BLM: variants seen among roughly 807,000 people sequenced by gnomAD.
BLM encodes recQ-like DNA helicase BLM.
BLM carries 95 observed loss-of-function variants against 135.3 expected under a neutral mutation model. That is an observed-to-expected ratio of 0.70 (90% CI 0.59 to 0.83). The LOEUF is 0.83. Ranked by LOEUF, BLM falls within the 40% of genes least tolerant of loss-of-function variation. The pLI is 0.00. For synonymous variants in BLM, 520 were observed against 589.2 expected (o/e 0.88, Z 1.70); for missense variants, 1,518 against 1,663.9 (o/e 0.91, Z 1.53).
chr15:90,783,464 C>T (rs1896666463), intron 13 of BLM, among the ~76,000 whole-genome samples: 1 of 152,206 alleles, frequency 6.6e-6, no homozygotes, highest in African/African-American at 2.4e-5. Context: ...TCACCTCCCC[C>T]AGGCAGCTAA....
chr15:90,770,410 T>A (rs1483987225), intron 12 of BLM, among the ~76,000 whole-genome samples: 1 of 152,166 alleles, frequency 6.6e-6, no homozygotes, highest in Admixed American at 6.5e-5. Context: ...TCTCCTGACC[T>A]CGTGATCCGC....
chr15:90,753,689 C>T (rs28384998), intron 4 of BLM, among the ~76,000 whole-genome samples: 2,628 of 152,300 alleles, frequency 0.017, 40 homozygotes, highest in Non-Finnish European at 0.025. Context: ...TTAAAAAATA[C>T]TGGTTGTAAC....
At chr15:90,723,076 A>G (rs570934336) in intron 1 of BLM, among the ~76,000 whole-genome samples, 158 of 152,186 alleles carry the variant, frequency 1.0e-3, no homozygotes, top group African/African-American at 3.7e-3. Context: ...TCCTGACCTC[A>G]GGTAATCTGC....
chr15:90,769,839 C>G (rs1896256468), intron 12 of BLM, among the ~76,000 whole-genome samples: 1 of 152,100 alleles, frequency 6.6e-6, no homozygotes, highest in Non-Finnish European at 1.5e-5. Flanking sequence ...TCTTCACTTA[C>G]TGAAATTAAA....
rs1897539644 is a variant in BLM, at chr15:90,815,500, C to T, written c.*221C>T. The T allele has an allele frequency of 1.8e-6, 1 of 566,218 alleles. No individual in the cohort carries two copies. The highest frequency in any genetic ancestry group is 3.3e-5 in the Admixed American group (1 of 30,450). The allele number at this position is 566,218 out of a possible 1,614,324, so 35.1% of individuals were successfully genotyped here. On this transcript the variant is annotated 3_prime_UTR_variant, in exon 22 of 22. Coordinates refer to ENST00000355112, the MANE Select transcript of BLM (RefSeq NM_000057.4). This position sits in a 1 kb window ranked among gnomAD's most constrained non-coding sequence, Gnocchi z 4.6. ...GCTGCAAGTGTTGTGGCCGTTGTTT[C>T]TCAGAACGTCTGAGGCAGCAGCTGA...
chr15:90,788,119 G>C (rs552004721), intron 14 of BLM, among the ~76,000 whole-genome samples: 5 of 152,144 alleles, frequency 3.3e-5, no homozygotes, highest in Non-Finnish European at 7.3e-5. Context: ...GATTAAAATG[G>C]GGTGGGGTGG....
Position 90,760,910 on chromosome 15 carries a change from A to G in BLM, c.1537A>G (p.Lys513Glu). ...SNWAETPRLG[K>E]KNESSYFPGN... is the part of the protein sequence containing the mutation. ...CTGGGCTGAAACACCAAGACTAGGA[A>G]AAAAAAATGAAAGCTCTTATTTCCC... The change falls in exon 7 of 22, where the codon AAA becomes GAA. Residue 513 changes from lysine to glutamate, a missense_variant. Lys to Glu is a moderately conservative substitution (Grantham distance 56). Transcript: ENST00000355112. 1 of 1,613,990 alleles carries G rather than the reference A, an allele frequency of 6.2e-7. No individual in the cohort carries two copies.
intron 1 of BLM, among the ~76,000 whole-genome samples, chr15:90,739,777 T>C (rs188777243): frequency 6.6e-6 from 1 of 152,140 alleles, no homozygotes; most frequent in Non-Finnish European, 1.5e-5. Context: ...TATTTGTTTA[T>C]TTTTTTGAGA....
In BLM at chr15:90,789,975, G is replaced by T. The variant is rs551637011; in HGVS notation, c.2824-674G>T. On this transcript the variant is annotated intron_variant, in intron 14 of 21. Transcript: ENST00000355112. Reference sequence around the variant, plus strand: ...AAGTAATTTGTAAGGTCTAAGATCCGCAGTCCCTGGTGTTTTTTTTTTTTT... The same window carrying T: ...AAGTAATTTGTAAGGTCTAAGATCCTCAGTCCCTGGTGTTTTTTTTTTTTT... 8.5e-5 allele frequency among the ~76,000 whole-genome samples: 11 copies of T among 128,936 alleles called. No homozygotes were observed. In the South Asian group the frequency reaches 2.9e-3, roughly 34 times the overall value. 84.6% of individuals were successfully genotyped at this position (128,936 alleles called of 152,430 possible). A position where few individuals can be genotyped will look rare whatever the true frequency, so the allele number is the denominator to read the frequency against.
intron 4 of BLM, 70 bp downstream of exon 4, chr15:90,752,016 A>G: frequency 7.4e-7 from 1 of 1,350,650 alleles, no homozygotes. Flanking sequence ...TTTAGTTTAT[A>G]ATATCATTTC....
chr15:90,810,882 C>G lies in BLM; in HGVS notation c.3875-323C>G, dbSNP rs55919838. 3.2e-4 allele frequency among the ~76,000 whole-genome samples: 48 copies of G among 152,262 alleles called. No individual in the cohort carries two copies. The East Asian group carries it at 8.7e-3, about 28-fold the overall frequency. On this transcript the variant is annotated intron_variant, in intron 20 of 21. Transcript: ENST00000355112. ...ATACTTTTTGAATTGCCTACCAGAA[C>G]TAACTGCCCAATCAACAACAGGAAC...
chr15:90,747,724 T>C (rs1386723117), intron 2 of BLM: 1 of 462,626 alleles, frequency 2.2e-6, no homozygotes, highest in Non-Finnish European at 3.9e-6. Context: ...TAAAGATTTG[T>C]TGAGTAAATG....
intron 7 of BLM, among the ~76,000 whole-genome samples, chr15:90,761,856 C>T (rs1244623987): frequency 6.6e-6 from 1 of 152,114 alleles, no homozygotes; most frequent in Non-Finnish European, 1.5e-5. Flanking sequence ...GAGCTCACAG[C>T]TTAGTGAGAG....
chr15:90,763,189 T>TCCCCCTCTGTGAGAAACA, intron 8 of BLM, 32 bp downstream of exon 8: 1 of 1,603,536 alleles, frequency 6.2e-7, no homozygotes, highest in Non-Finnish European at 8.5e-7. Flanking sequence ...TTGGCAGGAA[T>TCCCCCTCTGTGAGAAACA]CCATTGGCAG....
At chr15:90,758,003 T>C (rs1335775231) in intron 5 of BLM, among the ~76,000 whole-genome samples, 2 of 151,690 alleles carry the variant, frequency 1.3e-5, no homozygotes, top group Non-Finnish European at 2.9e-5. Flanking sequence ...TGCCTCAGCC[T>C]CCTGAGTAGC....
chr15:90,804,221 G>C lies in BLM; in HGVS notation c.3613G>C (p.Val1205Leu), dbSNP rs28385141. Reference sequence around the variant, plus strand: ...CAGTGTGAAAAAACAAAAAGCGTTAGTAGCAAAAGTGTCTCAGAGGGAAGA... The same window carrying C: ...CAGTGTGAAAAAACAAAAAGCGTTACTAGCAAAAGTGTCTCAGAGGGAAGA... The part of the protein sequence containing the change: ...SSSVKKQKAL[V>L]AKVSQREEMV... The change falls in exon 19 of 22, where the codon GTA becomes CTA. Residue 1205 changes from valine to leucine, a missense_variant. Physicochemically the swap from Val to Leu is conservative, Grantham distance 32 (BLOSUM62 1). Transcript: ENST00000355112. 1 of 1,614,150 alleles carries C rather than the reference G, an allele frequency of 6.2e-7. No individual in the cohort carries two copies. Among genetic ancestry groups the C allele is most frequent in the Non-Finnish European group, 8.5e-7 (1 of 1,180,002 alleles).
intron 14 of BLM, among the ~76,000 whole-genome samples, chr15:90,785,898 A>G (rs974367972): frequency 3.1e-4 from 47 of 151,638 alleles, no homozygotes; most frequent in African/African-American, 1.0e-3. Flanking sequence ...TGAGTACTTC[A>G]TACCTTTTTA....
intron 19 of BLM, 63 bp from the exon 20 acceptor site, chr15:90,809,074 C>T (rs1897345974): frequency 6.2e-7 from 1 of 1,604,306 alleles, no homozygotes; most frequent in East Asian, 2.2e-5. Flanking sequence ...CGTGAATGAG[C>T]CTGAATTCAG....
intron 14 of BLM, among the ~76,000 whole-genome samples, chr15:90,790,090 A>G (rs1448057897): frequency 6.8e-6 from 1 of 146,272 alleles, no homozygotes; most frequent in Non-Finnish European, 1.5e-5. Flanking sequence ...CTTTGACTTT[A>G]AATCAGCTGA....
Sources: allele counts gnomAD v4.1 joint callset (sites outside exome capture counted in the v4.1 genomes callset), GRCh38; gene constraint gnomAD v4.1.1; non-coding constraint Gnocchi (gnomAD v3.1); transcripts MANE v1.5; gene names NCBI Gene and HGNC (gene_info 2026-07-23, HGNC 2026-07-21).